The following RTN1 variants were observed in gnomAD, a reference collection of about 807,000 sequenced individuals.
RTN1 encodes the protein reticulon 1, also known as reticulon-1.
RTN1 carries 25 observed loss-of-function variants against 65.5 expected under a neutral mutation model. The ratio of observed to expected loss-of-function variants is 0.38; its 90% CI spans 0.28 to 0.53. The LOEUF (loss-of-function observed/expected upper bound fraction) is 0.53, where lower values mean the gene tolerates loss of function less well. Ranked by LOEUF, RTN1 falls within the 20% of genes least tolerant of loss-of-function variation. The pLI is 0.79. For synonymous variants in RTN1, 471 were observed against 447.6 expected (o/e 1.05, Z -0.66); for missense variants, 983 against 1,025.4 (o/e 0.96, Z 0.57).
At chr14:59,802,785 T>C (rs1276403780) in intron 1 of RTN1, among the ~76,000 whole-genome samples, 1 of 152,226 alleles carries the variant, frequency 6.6e-6, no homozygotes, top group African/African-American at 2.4e-5. Context: ...TCTCACTTGC[T>C]AAAATGGCAA....
chr14:59,759,893 C>T (rs2139543074), intron 1 of RTN1, among the ~76,000 whole-genome samples: 1 of 152,268 alleles, frequency 6.6e-6, no homozygotes, highest in East Asian at 1.9e-4. Context: ...CATTCTCACA[C>T]TAGGAGGAGG....
At position 59,751,191 on chromosome 14, in the gene RTN1, CTTTTTTTTTT is replaced by C. The variant is rs34021179; in HGVS notation, c.242-4720_242-4711del. On this transcript the variant is annotated intron_variant, in intron 1 of 8. Transcript: ENST00000267484. ...ATCTCAGCTAGGCTTCTCATTATACCTTTTTTTTTTTTTTTTTTTTTTTGCATATGGCAGC... is the reference window on the plus strand; with the variant it reads ...ATCTCAGCTAGGCTTCTCATTATACCTTTTTTTTTTTTTGCATATGGCAGC... Among the ~76,000 whole-genome samples, 3 of 90,794 alleles carry C rather than the reference CTTTTTTTTTT, an allele frequency of 3.3e-5. No homozygotes were observed. In the Admixed American group the frequency reaches 4.2e-4, roughly 13 times the overall value. 59.6% of individuals were successfully genotyped at this position (90,794 alleles called of 152,430 possible).
intron 3 of RTN1, among the ~76,000 whole-genome samples, chr14:59,656,705 G>T (rs1883129447): frequency 6.6e-6 from 1 of 152,196 alleles, no homozygotes; most frequent in Admixed American, 6.5e-5. Flanking sequence ...TGAATTTATT[G>T]CTGTCCCTTT....
At chr14:59,865,230 A>T (rs1887778364) in intron 1 of RTN1, among the ~76,000 whole-genome samples, 1 of 152,166 alleles carries the variant, frequency 6.6e-6, no homozygotes, top group Admixed American at 6.5e-5. Flanking sequence ...ATTGGTTTAT[A>T]AGTTTTAAGA....
At chr14:59,634,811 A>C (rs1302089562) in intron 3 of RTN1, among the ~76,000 whole-genome samples, 1 of 152,208 alleles carries the variant, frequency 6.6e-6, no homozygotes, top group Non-Finnish European at 1.5e-5. Context: ...GGTAAAGTTG[A>C]GCTGAGTTAT....
chr14:59,765,854 A>C (rs1376328661), intron 1 of RTN1, among the ~76,000 whole-genome samples: 1 of 152,064 alleles, frequency 6.6e-6, no homozygotes, highest in African/African-American at 2.4e-5. Flanking sequence ...CATGACTCCT[A>C]AAGATTGTGC....
chr14:59,711,707 C>T (rs186441366), intron 3 of RTN1, among the ~76,000 whole-genome samples: 7 of 152,274 alleles, frequency 4.6e-5, no homozygotes, highest in African/African-American at 9.6e-5. Flanking sequence ...AAAAGCTTAA[C>T]GTCTACTTGG....
At chr14:59,740,079 G>T (rs1366574493) in intron 2 of RTN1, among the ~76,000 whole-genome samples, 6 of 152,162 alleles carry the variant, frequency 3.9e-5, no homozygotes, top group Non-Finnish European at 5.9e-5. Context: ...GCTGTGTGAT[G>T]ATTTAATTAA....
intron 1 of RTN1, among the ~76,000 whole-genome samples, chr14:59,832,347 G>A (rs1887139901): frequency 6.6e-6 from 1 of 151,316 alleles, no homozygotes; most frequent in Non-Finnish European, 1.5e-5. Flanking sequence ...TCCCTTTGCA[G>A]TCCTAGAATA....
intron 3 of RTN1, among the ~76,000 whole-genome samples, chr14:59,613,384 T>C (rs1410676380): frequency 6.6e-6 from 1 of 152,166 alleles, no homozygotes; most frequent in East Asian, 1.9e-4. Flanking sequence ...TTGCAACCTC[T>C]GTCCCCTGGG....
chr14:59,686,484 C>T lies in RTN1; in HGVS notation c.1765+40435G>A, dbSNP rs1049868785. 7.9e-5 allele frequency among the ~76,000 whole-genome samples: 12 copies of T among 152,176 alleles called. 1 individual carries two copies. The highest frequency in any genetic ancestry group is 7.9e-4 in the Admixed American group (12 of 15,286). ...TTTTCCAAGATGGTGAATGTTAAAG[C>T]ATGTCTCAGCCAGTTGGAAATAGCA... On this transcript the variant is annotated intron_variant, in intron 3 of 8. Coordinates refer to ENST00000267484, the MANE Select transcript of RTN1 (RefSeq NM_021136.3).
At chr14:59,602,273 G>A (rs1881603489) in intron 8 of RTN1, among the ~76,000 whole-genome samples, 1 of 152,072 alleles carries the variant, frequency 6.6e-6, no homozygotes, top group Non-Finnish European at 1.5e-5. Flanking sequence ...TAGAGTTTTT[G>A]TGAAAAAGTC....
In RTN1 at chr14:59,719,581, G is replaced by T. The variant is rs530188346; in HGVS notation, c.1765+7338C>A. ...CTATGCCATATTGGTTGAATCAAAG[G>T]AAAGATGGATGTATGAATAGGTGGG... is the stretch of plus-strand genomic sequence containing the variant. On this transcript the variant is annotated intron_variant, in intron 3 of 8. Transcript: ENST00000267484. 2.6e-5 allele frequency among the ~76,000 whole-genome samples: 4 copies of T among 152,336 alleles called. No homozygotes were observed. In the East Asian group the frequency reaches 7.7e-4, roughly 29 times the overall value.
At chr14:59,851,907 T>C (rs1887515678) in intron 1 of RTN1, among the ~76,000 whole-genome samples, 1 of 151,260 alleles carries the variant, frequency 6.6e-6, no homozygotes, top group African/African-American at 2.4e-5. Flanking sequence ...AGAATTGATA[T>C]GCAAACATCC....
chr14:59,702,969 T>C (rs1884211605), intron 3 of RTN1, among the ~76,000 whole-genome samples: 1 of 152,170 alleles, frequency 6.6e-6, no homozygotes, highest in Admixed American at 6.5e-5. Context: ...TTTACTGCAG[T>C]TGTTTCTTCC....
At chr14:59,664,200 G>T (rs544208149) in intron 3 of RTN1, among the ~76,000 whole-genome samples, 20 of 151,858 alleles carry the variant, frequency 1.3e-4, no homozygotes, top group Admixed American at 2.0e-4. Flanking sequence ...CATCATTCTC[G>T]GCAAACTAAC....
At position 59,825,284 on chromosome 14, in the gene RTN1, T is replaced by C. The variant is rs2094257440; in HGVS notation, c.241+45106A>G. ...CTTCCCCAACCCCAGCTGAGAACCTTAGCTCACCATCTTGTATCTGACCTC... is the reference window on the plus strand; with the variant it reads ...CTTCCCCAACCCCAGCTGAGAACCTCAGCTCACCATCTTGTATCTGACCTC... On this transcript the variant is annotated intron_variant, in intron 1 of 8. Transcript: ENST00000267484. This position sits in a 1 kb window ranked among gnomAD's most constrained non-coding sequence, Gnocchi z 4.2. Among the ~76,000 whole-genome samples the C allele has an allele frequency of 6.6e-6, 1 of 152,172 alleles. No individual in the cohort carries two copies. Among genetic ancestry groups the C allele is most frequent in the African/African-American group, 2.4e-5 (1 of 41,434 alleles).
At chr14:59,716,967 C>CAACA (rs1312368088) in intron 3 of RTN1, among the ~76,000 whole-genome samples, 4 of 135,838 alleles carry the variant, frequency 2.9e-5, no homozygotes, top group Non-Finnish European at 6.4e-5. Flanking sequence ...GACTCCATCT[C>CAACA]AACAAACAAA....
At chr14:59,750,363 ATATTATATCT>A (rs559169548) in intron 1 of RTN1, among the ~76,000 whole-genome samples, 5,691 of 43,958 alleles carry the variant, frequency 0.13, 807 homozygotes, top group Admixed American at 0.19. Flanking sequence ...TTATATCTAT[ATATTATATCT>A]ATATATTATA....
Sources: gnomAD v4.1 joint callset for allele counts (sites outside exome capture counted in the v4.1 genomes callset) on GRCh38, gnomAD v4.1.1 for gene constraint, Gnocchi (gnomAD v3.1) non-coding constraint, MANE v1.5 for transcripts, NCBI Gene and HGNC (gene_info 2026-07-23, HGNC 2026-07-21) for gene names.